The following MAGI2 variants were observed in gnomAD, a reference collection of about 807,000 sequenced individuals.
MAGI2 encodes the protein membrane-associated guanylate kinase, WW and PDZ domain-containing protein 2.
MAGI2 carries 35 observed loss-of-function variants against 133.3 expected under a neutral mutation model. The observed-to-expected ratio is 0.26, with a 90% CI of 0.20 to 0.35. MAGI2 has a LOEUF of 0.35. MAGI2 is among the 10% of genes least tolerant of loss of function. The probability of loss-of-function intolerance (pLI) is 1.00; values close to 1 mark genes in which losing one functional copy is unlikely to be tolerated. For synonymous variants in MAGI2, 729 were observed against 710.6 expected (o/e 1.03, Z -0.41); for missense variants, 1,636 against 1,863.4 (o/e 0.88, Z 2.25).
At chr7:78,374,153 C>T (rs1000547639) in intron 6 of MAGI2, among the ~76,000 whole-genome samples, 3 of 152,088 alleles carry the variant, frequency 2.0e-5, no homozygotes, top group African/African-American at 4.8e-5. Flanking sequence ...AGTTCTATTC[C>T]AAGTTCTTTG....
chr7:78,132,351 CT>C (rs1264312326), intron 18 of MAGI2, among the ~76,000 whole-genome samples: 2 of 152,342 alleles, frequency 1.3e-5, no homozygotes, highest in African/African-American at 4.8e-5. Flanking sequence ...ACCGAGAGGC[CT>C]TCTTATAAAG....
Position 78,265,548 on chromosome 7 carries a change from G to T in MAGI2, c.1409-8967C>A, listed in dbSNP as rs377048264. On this transcript the variant is annotated intron_variant, in intron 9 of 21. Transcript: ENST00000354212. ...TAGGTTACTAGAAAAGAACCCAAAAGATTTTCAAGAAGAAATCTTAAAACC... is the reference window on the plus strand; with the variant it reads ...TAGGTTACTAGAAAAGAACCCAAAATATTTTCAAGAAGAAATCTTAAAACC... Among the ~76,000 whole-genome samples the T allele has an allele frequency of 1.4e-4, 21 of 152,284 alleles. No individual in the cohort carries two copies. The South Asian group carries it at 4.4e-3, about 32-fold the overall frequency.
chr7:78,749,354 C>T (rs1016705309), intron 2 of MAGI2, among the ~76,000 whole-genome samples: 6 of 152,020 alleles, frequency 3.9e-5, no homozygotes, highest in African/African-American at 1.5e-4. Context: ...GGCACAAAGT[C>T]GTGTTTTCAT....
chr7:78,911,726 G>T (rs547033336), intron 2 of MAGI2, among the ~76,000 whole-genome samples: 1 of 151,834 alleles, frequency 6.6e-6, no homozygotes, highest in East Asian at 1.9e-4. Context: ...TTAGGTTCGG[G>T]GGTACATGTG....
chr7:78,295,241 C>T (rs1797110943), intron 9 of MAGI2, among the ~76,000 whole-genome samples: 1 of 152,182 alleles, frequency 6.6e-6, no homozygotes, highest in Non-Finnish European at 1.5e-5. Context: ...ATCACATTGA[C>T]AAATGAGGCT....
chr7:78,908,564 T>C (rs946627513), intron 2 of MAGI2, among the ~76,000 whole-genome samples: 3 of 152,314 alleles, frequency 2.0e-5, no homozygotes, highest in South Asian at 2.1e-4. Context: ...AAATAATATT[T>C]AGAGGTAGAT....
intron 2 of MAGI2, among the ~76,000 whole-genome samples, chr7:78,747,376 T>C (rs1241479793): frequency 1.3e-5 from 2 of 152,184 alleles, no homozygotes; most frequent in Non-Finnish European, 2.9e-5. Context: ...TTTGAATCAT[T>C]TATTCATGTT....
At chr7:78,404,631 A>C (rs1394589846) in intron 6 of MAGI2, among the ~76,000 whole-genome samples, 1 of 152,140 alleles carries the variant, frequency 6.6e-6, no homozygotes, top group Non-Finnish European at 1.5e-5. Flanking sequence ...GAAAGCTGAA[A>C]CTGGATCTCT....
At chr7:78,971,011 T>C (rs1562733592) in intron 2 of MAGI2, among the ~76,000 whole-genome samples, 2 of 152,064 alleles carry the variant, frequency 1.3e-5, no homozygotes, top group South Asian at 2.1e-4. Flanking sequence ...AGAATGACCA[T>C]TTAATAACTT....
At chr7:79,156,670 C>G (rs1162861013) in intron 1 of MAGI2, among the ~76,000 whole-genome samples, 1 of 152,132 alleles carries the variant, frequency 6.6e-6, no homozygotes, top group Non-Finnish European at 1.5e-5. Flanking sequence ...TGATTGATGT[C>G]TCATGCCTCC....
intron 1 of MAGI2, among the ~76,000 whole-genome samples, chr7:79,136,072 A>AGAAAGAAAGGAAGAAG (rs1821487382): frequency 2.3e-5 from 1 of 43,172 alleles, no homozygotes; most frequent in Non-Finnish European, 5.1e-5. Context: ...AAAGAAGGAA[A>AGAAAGAAAGGAAGAAG]GAAAGAAAGA....
At position 78,341,426 on chromosome 7, in the gene MAGI2, G is replaced by A. The variant is rs538021124; in HGVS notation, c.1408+2352C>T. 1.3e-4 allele frequency among the ~76,000 whole-genome samples: 20 copies of A among 152,044 alleles called. No individual in the cohort carries two copies. The South Asian group carries it at 1.9e-3, about 14-fold the overall frequency. ...TTAATGCTATCCCCATCAAGCTACC[G>A]TTGGCTTTCTTCACAGAACTGGAAA... On this transcript the variant is annotated intron_variant, in intron 9 of 21. Coordinates refer to ENST00000354212, the MANE Select transcript of MAGI2 (RefSeq NM_012301.4).
At chr7:78,922,511 A>G (rs1205604142) in intron 2 of MAGI2, among the ~76,000 whole-genome samples, 1 of 151,876 alleles carries the variant, frequency 6.6e-6, no homozygotes, top group African/African-American at 2.4e-5. Context: ...GTCCCTACAA[A>G]GGACATGAAC....
intron 1 of MAGI2, among the ~76,000 whole-genome samples, chr7:79,135,671 C>A (rs749424045): frequency 6.6e-6 from 1 of 151,812 alleles, no homozygotes; most frequent in Non-Finnish European, 1.5e-5. Context: ...GCACTGTGGC[C>A]GACAGATGTA....
intron 1 of MAGI2, among the ~76,000 whole-genome samples, chr7:79,233,808 T>A (rs1210826885): frequency 6.8e-6 from 1 of 147,014 alleles, no homozygotes; most frequent in African/African-American, 2.5e-5. Context: ...AAAGTTAATA[T>A]TGTTATGTGT....
intron 1 of MAGI2, among the ~76,000 whole-genome samples, chr7:79,050,250 T>C (rs1812553036): frequency 6.6e-6 from 1 of 152,178 alleles, no homozygotes; most frequent in Non-Finnish European, 1.5e-5. Flanking sequence ...CCTTCTCTCC[T>C]GTTCATTTAA....
At chr7:78,943,514 T>C (rs902467262) in intron 2 of MAGI2, among the ~76,000 whole-genome samples, 20 of 152,202 alleles carry the variant, frequency 1.3e-4, no homozygotes, top group Non-Finnish European at 2.6e-4. Context: ...GGCCTCATTA[T>C]ACAGCTTTGT....
intron 2 of MAGI2, among the ~76,000 whole-genome samples, chr7:78,659,977 A>G (rs926662350): frequency 4.6e-5 from 7 of 152,340 alleles, no homozygotes; most frequent in Non-Finnish European, 7.3e-5. Context: ...TTTTAGGGGC[A>G]TGGATGAAGC....
chr7:78,461,960 C>G (rs1367570241), intron 6 of MAGI2, among the ~76,000 whole-genome samples: 4 of 69,146 alleles, frequency 5.8e-5, no homozygotes, highest in Non-Finnish European at 1.3e-4. Flanking sequence ...AAGAAAGAAA[C>G]AGGAAAAATT....
Sources: gnomAD v4.1 joint callset for allele counts (sites outside exome capture counted in the v4.1 genomes callset) on GRCh38, gnomAD v4.1.1 for gene constraint, MANE v1.5 for transcripts, NCBI Gene and HGNC (gene_info 2026-07-23, HGNC 2026-07-21) for gene names.